The following ANO6 variants were observed in gnomAD, a reference collection of about 807,000 sequenced individuals.
ANO6 encodes anoctamin-6.
In ANO6, 106 loss-of-function variants were observed where a neutral mutation model predicts 117.5. The observed-to-expected ratio is 0.90, with a 90% CI of 0.77 to 1.06. The LOEUF is 1.06. Among genes scored for constraint, ANO6 ranks in the 50% least tolerant of loss-of-function variants. The pLI is 0.00. For synonymous variants in ANO6, 367 were observed against 385.1 expected (o/e 0.95, Z 0.55); for missense variants, 955 against 1,121.1 (o/e 0.85, Z 2.12).
intron 8 of ANO6, among the ~76,000 whole-genome samples, chr12:45,362,415 G>A (rs893586471): frequency 6.6e-6 from 1 of 151,682 alleles, no homozygotes; most frequent in African/African-American, 2.4e-5. Flanking sequence ...TGCCAATTTT[G>A]TTATCTTTTC....
intron 1 of ANO6, among the ~76,000 whole-genome samples, chr12:45,269,677 C>T (rs1172867005): frequency 1.3e-5 from 2 of 152,084 alleles, no homozygotes; most frequent in African/African-American, 4.8e-5. Flanking sequence ...GAGAACACAC[C>T]GTGGAGCCAT....
At chr12:45,282,912 A>G (rs1360363036) in intron 1 of ANO6, among the ~76,000 whole-genome samples, 1 of 152,128 alleles carries the variant, frequency 6.6e-6, no homozygotes, top group Non-Finnish European at 1.5e-5. Context: ...TACATGTGCT[A>G]TTGCTCGCTC....
chr12:45,438,689 A>T (rs1342413246), intron 19 of ANO6, among the ~76,000 whole-genome samples: 1 of 152,192 alleles, frequency 6.6e-6, no homozygotes, highest in African/African-American at 2.4e-5. Flanking sequence ...TGTAATTTTT[A>T]ACACTTCTGG....
intron 2 of ANO6, among the ~76,000 whole-genome samples, chr12:45,308,752 G>A (rs1198894513): frequency 6.6e-6 from 1 of 152,216 alleles, no homozygotes; most frequent in Middle Eastern, 3.4e-3. Flanking sequence ...GCCTGTGTGG[G>A]GCTGATGATC....
intron 1 of ANO6, among the ~76,000 whole-genome samples, chr12:45,278,239 G>T (rs779109249): frequency 1.3e-5 from 2 of 152,144 alleles, no homozygotes; most frequent in South Asian, 4.1e-4. Flanking sequence ...TTACAGGTGT[G>T]AGCCACCGTG....
intron 1 of ANO6, among the ~76,000 whole-genome samples, chr12:45,267,958 ACT>A (rs572466016): frequency 2.0e-5 from 3 of 152,084 alleles, no homozygotes; most frequent in South Asian, 2.1e-4. Flanking sequence ...AAGAAAAATA[ACT>A]CTCTCTCCCA....
At chr12:45,393,416 A>T (rs1942512702) in intron 12 of ANO6, among the ~76,000 whole-genome samples, 1 of 152,222 alleles carries the variant, frequency 6.6e-6, no homozygotes, top group Non-Finnish European at 1.5e-5. Flanking sequence ...GTTGGAAAAC[A>T]CTCTGCAGGA....
chr12:45,416,556 G>A (rs2137682822), intron 16 of ANO6, 143 bp from the exon 17 acceptor site: 3 of 758,538 alleles, frequency 4.0e-6, no homozygotes, highest in South Asian at 3.1e-5. Flanking sequence ...TTCTTTCACT[G>A]TTGAACACTA....
In ANO6 at chr12:45,430,107, A is replaced by C. The variant is rs934679118; in HGVS notation, c.*796A>C. On this transcript the variant is annotated 3_prime_UTR_variant, in exon 20 of 20. Coordinates refer to ENST00000320560, the MANE Select transcript of ANO6 (RefSeq NM_001025356.3). ...AAGTTACAGATTCAAACAGCATTTTAACTCATGTTGATCTGGATAATTAAT... is the reference window on the plus strand; with the variant it reads ...AAGTTACAGATTCAAACAGCATTTTCACTCATGTTGATCTGGATAATTAAT... 15 of 985,346 alleles carry C rather than the reference A, an allele frequency of 1.5e-5. No homozygotes were observed. The highest frequency in any genetic ancestry group is 6.1e-5 in the Admixed American group (1 of 16,276). 61.0% of individuals were successfully genotyped at this position (985,346 alleles called of 1,614,324 possible). A position where few individuals can be genotyped will look rare whatever the true frequency, so the allele number is the denominator to read the frequency against.
At chr12:45,330,023 A>G (rs1442614307) in intron 2 of ANO6, among the ~76,000 whole-genome samples, 1 of 152,086 alleles carries the variant, frequency 6.6e-6, no homozygotes, top group Non-Finnish European at 1.5e-5. Flanking sequence ...CTAGCCCTTT[A>G]TTGCCCTGGA....
chr12:45,301,909 G>A, intron 1 of ANO6, 105 bp from the exon 2 acceptor site: 1 of 915,862 alleles, frequency 1.1e-6, no homozygotes, highest in Non-Finnish European at 1.8e-6. Context: ...ACCTGTCAAT[G>A]TGCTACCAAT....
At position 45,362,146 on chromosome 12, in the gene ANO6, C is replaced by A. The variant is rs567498066; in HGVS notation, c.998+4722C>A. On this transcript the variant is annotated intron_variant, in intron 8 of 19. Transcript: ENST00000320560. ...TTTCTTTGCAGGAATTATTTTTTTT[C>A]TGTTAGTCCAGTCTCTTTATTTGTT... Among the ~76,000 whole-genome samples, 3 of 151,898 alleles carry A rather than the reference C, an allele frequency of 2.0e-5. 1 individual carries two copies. The highest frequency in any genetic ancestry group is 7.2e-5 in the African/African-American group (3 of 41,480).
intron 19 of ANO6, among the ~76,000 whole-genome samples, chr12:45,427,037 T>C (rs1318604442): frequency 6.6e-6 from 1 of 151,714 alleles, no homozygotes; most frequent in Non-Finnish European, 1.5e-5. Flanking sequence ...CAGCCCAAAA[T>C]CTCTCCCATC....
At chr12:45,420,247 T>C (rs186888753) in intron 17 of ANO6, among the ~76,000 whole-genome samples, 1 of 152,180 alleles carries the variant, frequency 6.6e-6, no homozygotes, top group Non-Finnish European at 1.5e-5. Context: ...ACATGCAGTT[T>C]ACCTTCTGTG....
intron 12 of ANO6, among the ~76,000 whole-genome samples, chr12:45,392,669 A>G (rs751084162): frequency 1.8e-4 from 28 of 152,224 alleles, no homozygotes; most frequent in Non-Finnish European, 3.5e-4. Context: ...TCAGGCAGCA[A>G]TATTTGCTGT....
At chr12:45,370,351 T>C (rs1941791460) in intron 9 of ANO6, among the ~76,000 whole-genome samples, 1 of 152,250 alleles carries the variant, frequency 6.6e-6, no homozygotes, top group South Asian at 2.1e-4. Context: ...GTCCATCACC[T>C]TGAGCAAGGC....
chr12:45,274,648 A>T (rs977658173), intron 1 of ANO6, among the ~76,000 whole-genome samples: 6 of 151,718 alleles, frequency 4.0e-5, no homozygotes, highest in African/African-American at 1.5e-4. Context: ...TGGCTTCTCT[A>T]CAAACAGTAT....
rs1943649079 is a variant in ANO6, at chr12:45,432,219, T to A, written c.*2908T>A. On this transcript the variant is annotated 3_prime_UTR_variant, in exon 20 of 20. Transcript: ENST00000320560. Reference sequence around the variant, plus strand: ...GCTTTTCACACATTGTGGCATAAGATGTAAAGTTTGTAATTAATGTTAATT... The same window carrying A: ...GCTTTTCACACATTGTGGCATAAGAAGTAAAGTTTGTAATTAATGTTAATT... The A allele has an allele frequency of 1.0e-6, 1 of 974,434 alleles. No individual in the cohort carries two copies. Among genetic ancestry groups the A allele is most frequent in the African/African-American group, 1.8e-5 (1 of 56,444 alleles). 60.4% of individuals were successfully genotyped at this position (974,434 alleles called of 1,614,324 possible).
At position 45,409,895 on chromosome 12, in the gene ANO6, A is replaced by G. The variant is rs1233590052; in HGVS notation, c.2011+408A>G. On this transcript the variant is annotated intron_variant, in intron 16 of 19. Transcript: ENST00000320560. ...CTCAGCCTCCTGAGTAGCCGGGATT[A>G]CAGGCATGCGCCACCACACCCAGCT... is the stretch of plus-strand genomic sequence containing the variant. 3.3e-5 allele frequency among the ~76,000 whole-genome samples: 5 copies of G among 152,296 alleles called. No individual in the cohort carries two copies. The East Asian group carries it at 7.7e-4, about 24-fold the overall frequency.
Sources: gnomAD v4.1 joint callset for allele counts (sites outside exome capture counted in the v4.1 genomes callset) on GRCh38, gnomAD v4.1.1 for gene constraint, MANE v1.5 for transcripts, NCBI Gene and HGNC (gene_info 2026-07-23, HGNC 2026-07-21) for gene names.